Variants in LSAMP observed in about 807,000 individuals in gnomAD.
LSAMP encodes the protein limbic system associated membrane protein.
A neutral mutation model predicts 38.6 loss-of-function variants in LSAMP; 7 were observed. That is an observed-to-expected ratio of 0.18 (90% CI 0.10 to 0.34). The LOEUF (loss-of-function observed/expected upper bound fraction) is 0.34, where lower values mean the gene tolerates loss of function less well. LSAMP is among the 10% of genes least tolerant of loss of function. The probability of loss-of-function intolerance (pLI) is 1.00; values close to 1 mark genes in which losing one functional copy is unlikely to be tolerated. For synonymous variants in LSAMP, 154 were observed against 166.8 expected, an observed-to-expected ratio of 0.92 and a Z score of 0.59; for missense variants, 313 against 420.0, an observed-to-expected ratio of 0.75 and a Z score of 2.23.
chr3:115,857,697 G>C (rs575804839), intron 3 of LSAMP, among the ~76,000 whole-genome samples: 122 of 152,226 alleles, frequency 8.0e-4, no homozygotes, highest in Non-Finnish European at 1.5e-3. Flanking sequence ...CAGCTACCAG[G>C]CTAAATAACT....
chr3:115,975,358 G>A (rs1282919441), intron 3 of LSAMP, among the ~76,000 whole-genome samples: 4 of 152,188 alleles, frequency 2.6e-5, no homozygotes, highest in Non-Finnish European at 5.9e-5. Flanking sequence ...TACAGGTCTC[G>A]AACTAATGAA....
chr3:116,141,880 G>T (rs1023223917), intron 1 of LSAMP, among the ~76,000 whole-genome samples: 3 of 151,924 alleles, frequency 2.0e-5, no homozygotes, highest in Non-Finnish European at 4.4e-5. Context: ...TATGACTTAG[G>T]CAAGTGATTG....
At chr3:116,247,900 G>A (rs1001473887) in intron 1 of LSAMP, among the ~76,000 whole-genome samples, 9 of 152,210 alleles carry the variant, frequency 5.9e-5, no homozygotes, top group African/African-American at 2.2e-4. Flanking sequence ...CTAAATTATA[G>A]TGAAACATCA....
At chr3:116,221,610 G>A (rs1052710417) in intron 1 of LSAMP, among the ~76,000 whole-genome samples, 3 of 151,168 alleles carry the variant, frequency 2.0e-5, no homozygotes, top group Non-Finnish European at 4.4e-5. Context: ...AAGTCTCTCT[G>A]TTTGTGTGAG....
intron 3 of LSAMP, among the ~76,000 whole-genome samples, chr3:115,927,850 C>T (rs747593394): frequency 3.3e-5 from 5 of 152,198 alleles, no homozygotes; most frequent in Non-Finnish European, 7.3e-5. Context: ...TTTGACAACA[C>T]CATTTAAAGA....
intron 1 of LSAMP, among the ~76,000 whole-genome samples, chr3:116,153,579 T>C (rs1172929452): frequency 6.6e-6 from 1 of 152,180 alleles, no homozygotes; most frequent in Non-Finnish European, 1.5e-5. Context: ...TGTCCTCATA[T>C]TATTTAAAGA....
intron 1 of LSAMP, among the ~76,000 whole-genome samples, chr3:116,429,339 G>C (rs1454851606): frequency 6.6e-6 from 1 of 152,214 alleles, no homozygotes; most frequent in African/African-American, 2.4e-5. Context: ...GTTGGAGAAA[G>C]AAATTGGGTT....
At chr3:115,911,257 A>C (rs1937127679) in intron 3 of LSAMP, among the ~76,000 whole-genome samples, 1 of 152,144 alleles carries the variant, frequency 6.6e-6, no homozygotes, top group Non-Finnish European at 1.5e-5. Context: ...TGTTTTGTGG[A>C]ATGGATGTAC....
chr3:115,955,871 T>C (rs1296154848), intron 3 of LSAMP, among the ~76,000 whole-genome samples: 1 of 152,144 alleles, frequency 6.6e-6, no homozygotes, highest in East Asian at 1.9e-4. Flanking sequence ...GTATCCCTCA[T>C]TTAAACATTT....
At chr3:116,135,923 A>T (rs2066662669) in intron 1 of LSAMP, among the ~76,000 whole-genome samples, 1 of 152,174 alleles carries the variant, frequency 6.6e-6, no homozygotes, top group Non-Finnish European at 1.5e-5. Context: ...AAGTGCCTTT[A>T]TTGTGATATA....
chr3:116,079,152 C>A (rs1485103281), intron 2 of LSAMP, among the ~76,000 whole-genome samples: 1 of 152,122 alleles, frequency 6.6e-6, no homozygotes, highest in Non-Finnish European at 1.5e-5. Context: ...TTATCATTAT[C>A]CGCAATATTT....
At chr3:116,156,034 G>A (rs913458321) in intron 1 of LSAMP, among the ~76,000 whole-genome samples, 2 of 152,148 alleles carry the variant, frequency 1.3e-5, no homozygotes, top group African/African-American at 4.8e-5. Context: ...TGAAGTGCAA[G>A]GGGCCGCCCA....
chr3:116,268,947 T>C (rs1459452698), intron 1 of LSAMP, among the ~76,000 whole-genome samples: 1 of 152,036 alleles, frequency 6.6e-6, no homozygotes. Flanking sequence ...TGTCACTCAG[T>C]GGGCCCAGGT....
intron 1 of LSAMP, among the ~76,000 whole-genome samples, chr3:116,189,905 A>T (rs1710711928): frequency 6.6e-6 from 1 of 152,210 alleles, no homozygotes; most frequent in African/African-American, 2.4e-5. Flanking sequence ...CCTGTTTTTA[A>T]CAAGCACGAG....
At chr3:116,247,716 A>T (rs1191055264) in intron 1 of LSAMP, among the ~76,000 whole-genome samples, 2 of 152,216 alleles carry the variant, frequency 1.3e-5, no homozygotes, top group Non-Finnish European at 2.9e-5. Flanking sequence ...CAAGTATGGA[A>T]CTCAGAAAGA....
chr3:115,965,900 T>C (rs56767235), intron 3 of LSAMP, among the ~76,000 whole-genome samples: 37,177 of 152,042 alleles, frequency 0.24, 5,198 homozygotes, highest in African/African-American at 0.4. Flanking sequence ...TTATCTTTAG[T>C]TGTATGTATG....
intron 3 of LSAMP, among the ~76,000 whole-genome samples, chr3:115,894,779 T>C (rs1012716468): frequency 2.0e-5 from 3 of 152,096 alleles, no homozygotes. Context: ...ACAACACTGA[T>C]GGTGCCTCAA....
intron 1 of LSAMP, among the ~76,000 whole-genome samples, chr3:116,408,930 T>C (rs1296949718): frequency 2.0e-5 from 3 of 152,076 alleles, no homozygotes; most frequent in Non-Finnish European, 4.4e-5. Flanking sequence ...CCATGCGGAC[T>C]GCAGTCAGGA....
intron 3 of LSAMP, among the ~76,000 whole-genome samples, chr3:115,969,274 C>T (rs974350103): frequency 2.6e-5 from 4 of 152,144 alleles, no homozygotes; most frequent in African/African-American, 7.2e-5. Flanking sequence ...CACTTCCCCT[C>T]ACATGTATGT....
Sources: gnomAD v4.1 joint callset for allele counts (sites outside exome capture counted in the v4.1 genomes callset) on GRCh38, gnomAD v4.1.1 for gene constraint, MANE v1.5 for transcripts, NCBI Gene and HGNC (gene_info 2026-07-23, HGNC 2026-07-21) for gene names.